Variants in UVRAG observed in about 807,000 individuals in gnomAD.
UVRAG encodes UV radiation resistance-associated gene protein.
A neutral mutation model predicts 78.0 loss-of-function variants in UVRAG; 19 were observed. That is an observed-to-expected ratio of 0.24 (90% CI 0.17 to 0.36). The LOEUF is 0.36. Among genes scored for constraint, UVRAG ranks in the 10% least tolerant of loss-of-function variants. UVRAG has a pLI of 1.00. For synonymous variants in UVRAG, 323 were observed against 324.6 expected (o/e 1.00, Z 0.05); for missense variants, 740 against 853.8 (o/e 0.87, Z 1.66).
At chr11:75,959,618 G>A (rs1018771895) in intron 6 of UVRAG, among the ~76,000 whole-genome samples, 1 of 152,168 alleles carries the variant, frequency 6.6e-6, no homozygotes, top group Non-Finnish European at 1.5e-5. Context: ...CAGCAATAAG[G>A]CTGTTTTACT....
At chr11:75,926,265 C>T (rs541793319) in intron 6 of UVRAG, among the ~76,000 whole-genome samples, 1 of 152,236 alleles carries the variant, frequency 6.6e-6, no homozygotes, top group South Asian at 2.1e-4. Context: ...TTCTTTTCTC[C>T]CAATATGTCA....
intron 3 of UVRAG, among the ~76,000 whole-genome samples, chr11:75,870,231 CT>C (rs1290494911): frequency 6.6e-6 from 1 of 152,298 alleles, no homozygotes; most frequent in Non-Finnish European, 1.5e-5. Context: ...AAAGGAAAGT[CT>C]TTGTAATCAG....
At chr11:75,962,556 GC>G (rs1205806041) in intron 7 of UVRAG, among the ~76,000 whole-genome samples, 1 of 152,134 alleles carries the variant, frequency 6.6e-6, no homozygotes, top group African/African-American at 2.4e-5. Flanking sequence ...TAGGATAACT[GC>G]AATAGGTATA....
chr11:75,960,658 T>G (rs897080784), intron 6 of UVRAG, among the ~76,000 whole-genome samples: 3 of 151,990 alleles, frequency 2.0e-5, no homozygotes, highest in African/African-American at 7.2e-5. Flanking sequence ...TCCCAGCTAT[T>G]TGGGGGCCTG....
chr11:75,884,212 GTCTCTC>G (rs138821865), intron 4 of UVRAG, among the ~76,000 whole-genome samples: 22 of 144,176 alleles, frequency 1.5e-4, no homozygotes, highest in South Asian at 6.7e-4. Context: ...TTTGAGATCA[GTCTCTC>G]TCTCTCTCTC....
At chr11:75,960,066 A>G (rs1292750347) in intron 6 of UVRAG, among the ~76,000 whole-genome samples, 3 of 152,222 alleles carry the variant, frequency 2.0e-5, no homozygotes, top group Non-Finnish European at 4.4e-5. Flanking sequence ...CATAACAGAT[A>G]TAATAATAAT....
chr11:76,074,016 A>AG (rs1327625150), intron 13 of UVRAG, among the ~76,000 whole-genome samples: 1 of 152,144 alleles, frequency 6.6e-6, no homozygotes, highest in Admixed American at 6.5e-5. Context: ...CATCTCACTA[A>AG]GTTTCTTTTT....
intron 1 of UVRAG, among the ~76,000 whole-genome samples, chr11:75,837,174 A>G (rs1306310022): frequency 6.6e-6 from 1 of 152,052 alleles, no homozygotes; most frequent in East Asian, 1.9e-4. Context: ...AAAAATACAA[A>G]AAATTAGCCG....
intron 1 of UVRAG, among the ~76,000 whole-genome samples, chr11:75,818,091 C>A (rs1025345402): frequency 2.0e-5 from 3 of 150,880 alleles, no homozygotes; most frequent in South Asian, 2.1e-4. Context: ...AAACAAAAAA[C>A]CCCCCAAAAA....
intron 8 of UVRAG, among the ~76,000 whole-genome samples, chr11:75,984,220 C>T (rs1037606861): frequency 6.6e-6 from 1 of 152,218 alleles, no homozygotes; most frequent in Non-Finnish European, 1.5e-5. Flanking sequence ...AGCTCTCAGT[C>T]AGCCACATGA....
intron 6 of UVRAG, among the ~76,000 whole-genome samples, chr11:75,919,460 G>A (rs1443246368): frequency 1.3e-5 from 2 of 151,804 alleles, no homozygotes; most frequent in Non-Finnish European, 2.9e-5. Flanking sequence ...AGCAAGAAGC[G>A]AAAGCTGATA....
At chr11:75,880,152 A>T (rs935556228) in intron 4 of UVRAG, 112 bp downstream of exon 4, 1 of 1,277,024 alleles carries the variant, frequency 7.8e-7, no homozygotes, top group Non-Finnish European at 1.1e-6. Context: ...GACTTTTATG[A>T]CTGTTTACTT....
intron 13 of UVRAG, among the ~76,000 whole-genome samples, chr11:76,096,984 C>A (rs148611565): frequency 3.7e-4 from 57 of 152,242 alleles, no homozygotes; most frequent in African/African-American, 1.3e-3. Flanking sequence ...GTAGCCATAG[C>A]ACTCTTTCCT....
chr11:76,118,539 A>C (rs1952224439), intron 14 of UVRAG, among the ~76,000 whole-genome samples: 1 of 152,158 alleles, frequency 6.6e-6, no homozygotes, highest in African/African-American at 2.4e-5. Flanking sequence ...CAGAAGGAAG[A>C]ATTTTTCTGT....
chr11:75,986,935 T>G (rs1229664051), intron 8 of UVRAG, among the ~76,000 whole-genome samples: 1 of 152,254 alleles, frequency 6.6e-6, no homozygotes, highest in Non-Finnish European at 1.5e-5. Context: ...CATGCATCAC[T>G]AATTCATTTT....
intron 7 of UVRAG, among the ~76,000 whole-genome samples, chr11:75,969,052 A>G (rs1379142755): frequency 6.6e-6 from 1 of 152,208 alleles, no homozygotes; most frequent in Non-Finnish European, 1.5e-5. Flanking sequence ...GTGGTATTAA[A>G]TACCTTCAGA....
At chr11:76,118,616 C>G (rs186346893) in intron 14 of UVRAG, among the ~76,000 whole-genome samples, 1 of 152,222 alleles carries the variant, frequency 6.6e-6, no homozygotes, top group East Asian at 1.9e-4. Flanking sequence ...CATGTTTATT[C>G]TGAATCTGTT....
chr11:76,081,876 T>G (rs1246991445), intron 13 of UVRAG, among the ~76,000 whole-genome samples: 1 of 146,160 alleles, frequency 6.8e-6, no homozygotes, highest in African/African-American at 2.6e-5. Context: ...TGTGCAGCCA[T>G]GAAACCATAG....
intron 13 of UVRAG, among the ~76,000 whole-genome samples, chr11:76,104,756 C>T (rs1430226923): frequency 2.0e-5 from 3 of 152,142 alleles, no homozygotes; most frequent in Non-Finnish European, 4.4e-5. Context: ...ATGATCCTGT[C>T]GGGTATTTGT....
Sources: allele counts gnomAD v4.1 joint callset (sites outside exome capture counted in the v4.1 genomes callset), GRCh38; gene constraint gnomAD v4.1.1; transcripts MANE v1.5; gene names NCBI Gene and HGNC (gene_info 2026-07-23, HGNC 2026-07-21).